Variants in TMEM114 observed in about 807,000 individuals in gnomAD.
TMEM114 encodes the protein claudin-26.
A neutral mutation model predicts 6.2 loss-of-function variants in TMEM114; 6 were observed. That is an observed-to-expected ratio of 0.97 (90% CI 0.53 to 1.91). The LOEUF (loss-of-function observed/expected upper bound fraction) is 1.91. TMEM114 is among the 40% of genes most tolerant of loss of function. TMEM114 has a pLI of 0.01. For synonymous variants in TMEM114, 104 were observed against 73.0 expected, an observed-to-expected ratio of 1.42 and a Z score of -2.16; for missense variants, 218 against 158.3, an observed-to-expected ratio of 1.38 and a Z score of -2.02.
chr16:8,574,142 G>A (rs1261775889), intron 2 of TMEM114, among the ~76,000 whole-genome samples: 1 of 152,118 alleles, frequency 6.6e-6, no homozygotes, highest in African/African-American at 2.4e-5. Context: ...GTCAGAGCCG[G>A]ATTATTTGCA....
At chr16:8,534,075 C>T (rs1448398481), downstream of TMEM114, among the ~76,000 whole-genome samples, 2 of 152,166 alleles carry the variant, frequency 1.3e-5, no homozygotes, top group Non-Finnish European at 2.9e-5. Flanking sequence ...AAACTCTAGC[C>T]CTGCAGCCTT....
downstream of TMEM114, among the ~76,000 whole-genome samples, chr16:8,567,807 T>A (rs1002159436): frequency 6.6e-6 from 1 of 152,174 alleles, no homozygotes; most frequent in Non-Finnish European, 1.5e-5. Flanking sequence ...AGTTCCACAA[T>A]ACGACCAGCA....
intron 2 of TMEM114, among the ~76,000 whole-genome samples, chr16:8,556,009 CT>C (rs1324187829): frequency 6.6e-6 from 1 of 152,364 alleles, no homozygotes; most frequent in Admixed American, 6.5e-5. Flanking sequence ...ATCTACTCCC[CT>C]CCTTCAACAC....
chr16:8,568,674 G>C (rs1026778930), downstream of TMEM114, among the ~76,000 whole-genome samples: 1 of 152,188 alleles, frequency 6.6e-6, no homozygotes, highest in Non-Finnish European at 1.5e-5. Context: ...GCACCTCCCA[G>C]AGTTTCCTAA....
chr16:8,555,130 T>A (rs1047732238), intron 2 of TMEM114, among the ~76,000 whole-genome samples: 1 of 152,212 alleles, frequency 6.6e-6, no homozygotes, highest in Non-Finnish European at 1.5e-5. Flanking sequence ...TTGGTGTTTA[T>A]CATGCACATT....
chr16:8,530,122 C>A, the TMEM114 span, among the ~76,000 whole-genome samples: 2 of 152,332 alleles, frequency 1.3e-5, no homozygotes, highest in African/African-American at 2.4e-5. Flanking sequence ...TTTGCATTAG[C>A]TTTTTCCTGC....
chr16:8,541,970 C>T (rs906519424), intron 2 of TMEM114, among the ~76,000 whole-genome samples: 5 of 152,176 alleles, frequency 3.3e-5, no homozygotes, highest in Non-Finnish European at 7.3e-5. Flanking sequence ...CCCATATGAA[C>T]TTTACCTCTA....
At chr16:8,585,630 GA>G (rs145782890) in intron 2 of TMEM114, among the ~76,000 whole-genome samples, 17,103 of 142,288 alleles carry the variant, frequency 0.12, 1,076 homozygotes, top group Non-Finnish European at 0.15. Flanking sequence ...ATTATGCGGA[GA>G]AAAAAAAAAA....
At chr16:8,585,413 G>C (rs968033870) in intron 2 of TMEM114, among the ~76,000 whole-genome samples, 10 of 152,026 alleles carry the variant, frequency 6.6e-5, no homozygotes, top group African/African-American at 2.4e-4. Context: ...GGTTTTCTTA[G>C]AGGAAAAATC....
intron 2 of TMEM114, among the ~76,000 whole-genome samples, chr16:8,573,633 G>A (rs1596310376): frequency 6.6e-6 from 1 of 152,078 alleles, no homozygotes; most frequent in Non-Finnish European, 1.5e-5. Context: ...CTATGAGCTG[G>A]GTGCCAAGCA....
At chr16:8,542,328 T>C (rs976511992) in intron 2 of TMEM114, among the ~76,000 whole-genome samples, 1 of 152,202 alleles carries the variant, frequency 6.6e-6, no homozygotes, top group South Asian at 2.1e-4. Context: ...TTATCCTACC[T>C]CTGGGTAGCA....
At chr16:8,561,977 T>A (rs926810416) in intron 2 of TMEM114, among the ~76,000 whole-genome samples, 4 of 150,846 alleles carry the variant, frequency 2.7e-5, no homozygotes, top group Non-Finnish European at 4.4e-5. Context: ...AATGAGTGAG[T>A]GAATGAGTGA....
At chr16:8,584,737 C>T (rs985586896) in intron 2 of TMEM114, among the ~76,000 whole-genome samples, 7 of 151,920 alleles carry the variant, frequency 4.6e-5, no homozygotes, top group African/African-American at 1.5e-4. Flanking sequence ...GCCTGGCCAA[C>T]GTGGTGAAAC....
At chr16:8,562,536 G>A (rs575783076) in intron 2 of TMEM114, among the ~76,000 whole-genome samples, 4 of 150,712 alleles carry the variant, frequency 2.7e-5, no homozygotes, top group South Asian at 2.1e-4. Context: ...TAATGAGTGA[G>A]TGAGTGAATG....
At chr16:8,560,783 G>A (rs887469766) in intron 2 of TMEM114, among the ~76,000 whole-genome samples, 2 of 152,178 alleles carry the variant, frequency 1.3e-5, no homozygotes, top group African/African-American at 2.4e-5. Flanking sequence ...TTCACCTCCA[G>A]GAGAAGGCAC....
chr16:8,535,304 AT>A (rs1900323267), downstream of TMEM114, among the ~76,000 whole-genome samples: 1 of 152,168 alleles, frequency 6.6e-6, no homozygotes, highest in Non-Finnish European at 1.5e-5. Context: ...CTTTTTTATT[AT>A]TACTTTGATT....
In TMEM114 at chr16:8,538,723, G is replaced by C. The variant is rs538958744; in HGVS notation, n.213-897C>G. 9.5e-4 allele frequency among the ~76,000 whole-genome samples: 145 copies of C among 152,086 alleles called. 1 individual carries two copies. The highest frequency in any genetic ancestry group is 1.9e-3 in the Non-Finnish European group (127 of 68,022). Reference sequence around the variant, plus strand: ...GGGTTTCACCCTGTTAGCCAGGATGGTGTCGATCTCCTGACCTCGTGATCC... The same window carrying C: ...GGGTTTCACCCTGTTAGCCAGGATGCTGTCGATCTCCTGACCTCGTGATCC... On this transcript the variant is annotated intron_variant and non_coding_transcript_variant, in intron 2 of 2. Coordinates refer to the TMEM114 transcript ENST00000623677.
intron 2 of TMEM114, among the ~76,000 whole-genome samples, chr16:8,546,846 G>A (rs1031874244): frequency 2.6e-5 from 4 of 152,182 alleles, no homozygotes; most frequent in Admixed American, 6.5e-5. Flanking sequence ...CTGCCAAAAC[G>A]CAAGTGATGC....
Position 8,589,220 on chromosome 16 carries a change from T to A in TMEM114, c.294A>T (p.Gln98His), listed in dbSNP as rs945934602. 7 of 398,706 alleles carry A rather than the reference T, an allele frequency of 1.8e-5. No individual in the cohort carries two copies. Among genetic ancestry groups the A allele is most frequent in the African/African-American group, 1.4e-4 (7 of 48,640 alleles). 24.7% of individuals were successfully genotyped at this position (398,706 alleles called of 1,614,324 possible). Reference protein sequence around the residue: ...ENVTVSESSRQLLTMHGTFVI... With the variant: ...ENVTVSESSRHLLTMHGTFVI... ...CACCCTCCCCGGACTCACTGAGAAG[T>A]TGCCGGCTCGATTCGCTGACTGTCA... The change falls in exon 2 of 4, where the codon CAA (glutamine) becomes CAT (histidine). Residue 98 changes from glutamine to histidine, a missense_variant. Gln to His is a conservative substitution (Grantham distance 24). Coordinates refer to ENST00000620492, the MANE Select transcript of TMEM114 (RefSeq NM_001146336.2).
Sources: gnomAD v4.1 joint callset for allele counts (sites outside exome capture counted in the v4.1 genomes callset) on GRCh38, gnomAD v4.1.1 for gene constraint, MANE v1.5 for transcripts, NCBI Gene and HGNC (gene_info 2026-07-23, HGNC 2026-07-21) for gene names.